ATOSA: variants seen among roughly 807,000 people sequenced by gnomAD.
ATOSA encodes the protein atos homolog A, also known as atos homolog protein A.
At chr15:52,661,841 G>C in the ATOSA span, among the ~76,000 whole-genome samples, 1 of 135,062 alleles carries the variant, frequency 7.4e-6, no homozygotes, top group Non-Finnish European at 1.5e-5. Flanking sequence ...TTTCTGAATA[G>C]TTAGTATGCC....
the ATOSA span, among the ~76,000 whole-genome samples, chr15:52,629,189 G>A: frequency 6.6e-6 from 1 of 152,018 alleles, no homozygotes; most frequent in Non-Finnish European, 1.5e-5. Context: ...TCACGTTAGA[G>A]GTCATATAAA....
At chr15:52,688,453 G>A in the ATOSA span, among the ~76,000 whole-genome samples, 1 of 152,192 alleles carries the variant, frequency 6.6e-6, no homozygotes, top group Non-Finnish European at 1.5e-5. Context: ...GGTGGTGACT[G>A]GCTGTAGGGA....
chr15:52,661,227 G>A, the ATOSA span, among the ~76,000 whole-genome samples: 1 of 151,940 alleles, frequency 6.6e-6, no homozygotes, highest in Non-Finnish European at 1.5e-5. Flanking sequence ...ATTACCATTC[G>A]ACTTACTTCT....
the ATOSA span, among the ~76,000 whole-genome samples, chr15:52,654,943 T>C: frequency 6.6e-6 from 1 of 151,834 alleles, no homozygotes; most frequent in Non-Finnish European, 1.5e-5. Context: ...AATATATGTA[T>C]CATATATATA....
At chr15:52,678,106 GC>G in the ATOSA span, 1 of 1,508,170 alleles carries the variant, frequency 6.6e-7, no homozygotes, top group Non-Finnish European at 9.2e-7. Context: ...TACGGCTTCT[GC>G]TTCGCTTTCA....
the ATOSA span, among the ~76,000 whole-genome samples, chr15:52,607,394 A>G: frequency 6.6e-6 from 1 of 152,256 alleles, no homozygotes; most frequent in African/African-American, 2.4e-5. Flanking sequence ...GAAATAAACA[A>G]AAAAGGGCAA....
At chr15:52,678,334 G>A in the ATOSA span, 1 of 537,664 alleles carries the variant, frequency 1.9e-6, no homozygotes, top group South Asian at 2.5e-5. Context: ...AGGCCAATGT[G>A]TCCTTCTGAC....
chr15:52,687,332 G>C, the ATOSA span, among the ~76,000 whole-genome samples: 6 of 152,368 alleles, frequency 3.9e-5, no homozygotes, highest in East Asian at 1.2e-3. Context: ...GTGAGCCCGG[G>C]AGGCGGAGCA....
chr15:52,622,367 A>G, the ATOSA span, among the ~76,000 whole-genome samples: 2 of 152,170 alleles, frequency 1.3e-5, no homozygotes, highest in South Asian at 2.1e-4. Context: ...GCATCTGAGA[A>G]TGGATATTAA....
the ATOSA span, chr15:52,584,615 C>A: frequency 1.4e-6 from 1 of 733,116 alleles, no homozygotes; most frequent in East Asian, 2.7e-5. Flanking sequence ...CTTGGCACAT[C>A]ATCAAGAGTT....
At chr15:52,652,189 C>T in the ATOSA span, 9 of 735,600 alleles carry the variant, frequency 1.2e-5, no homozygotes, top group East Asian at 2.2e-4. Flanking sequence ...TTTCTTTGCT[C>T]GTCTTACAAA....
At chr15:52,590,232 T>C in the ATOSA span, among the ~76,000 whole-genome samples, 1 of 152,192 alleles carries the variant, frequency 6.6e-6, no homozygotes. Flanking sequence ...ATCTGGTTAA[T>C]TACAAAGAAA....
At chr15:52,591,127 ATATT>A in the ATOSA span, among the ~76,000 whole-genome samples, 1 of 152,142 alleles carries the variant, frequency 6.6e-6, no homozygotes, top group African/African-American at 2.4e-5. Context: ...TCCATCAAAG[ATATT>A]TATTTGAGCT....
At chr15:52,586,928 G>A in the ATOSA span, 1 of 745,582 alleles carries the variant, frequency 1.3e-6, no homozygotes, top group Non-Finnish European at 2.0e-6. Flanking sequence ...ACTGTCATAT[G>A]CTATTTTTCT....
chr15:52,659,456 T>A, the ATOSA span, among the ~76,000 whole-genome samples: 2 of 152,194 alleles, frequency 1.3e-5, no homozygotes, highest in Non-Finnish European at 2.9e-5. Flanking sequence ...AAAAAGAACA[T>A]TTTGTCAAAA....
chr15:52,680,097 G>A, the ATOSA span, among the ~76,000 whole-genome samples: 1 of 151,732 alleles, frequency 6.6e-6, no homozygotes, highest in East Asian at 1.9e-4. Flanking sequence ...CTGACTCATG[G>A]GCAGGAGGAC....
chr15:52,608,754 A>C, the ATOSA span: 1 of 1,609,018 alleles, frequency 6.2e-7, no homozygotes, highest in South Asian at 1.1e-5. Context: ...CTATGCTATT[A>C]AGTTGAGTAT....
the ATOSA span, among the ~76,000 whole-genome samples, chr15:52,622,844 C>T: frequency 6.6e-6 from 1 of 152,016 alleles, no homozygotes; most frequent in South Asian, 2.1e-4. Context: ...GACGTTTAGT[C>T]AGGCATGGTG....
the ATOSA span, among the ~76,000 whole-genome samples, chr15:52,689,940 G>A: frequency 2.6e-5 from 4 of 152,220 alleles, no homozygotes; most frequent in East Asian, 1.9e-4. Context: ...TTAGGCTGCT[G>A]GAGGTACTGC....
Sources: allele counts gnomAD v4.1 joint callset (sites outside exome capture counted in the v4.1 genomes callset), GRCh38; gene constraint gnomAD v4.1.1; transcripts MANE v1.5; gene names NCBI Gene and HGNC (gene_info 2026-07-23, HGNC 2026-07-21).